The following UNC13C variants were observed in gnomAD, a reference collection of about 807,000 sequenced individuals.
UNC13C encodes the protein unc-13 homolog C.
In UNC13C, 174 loss-of-function variants were observed where a neutral mutation model predicts 245.4. The observed-to-expected ratio is 0.71, with a 90% confidence interval of 0.63 to 0.80. The LOEUF is 0.80. Ranked by LOEUF, UNC13C falls within the 30% of genes least tolerant of loss-of-function variation. The probability of loss-of-function intolerance (pLI) is 0.00; values close to 1 mark genes in which losing one functional copy is unlikely to be tolerated. For missense variants in UNC13C, 2,829 were observed against 2,602.9 expected (o/e 1.09, Z -1.89); for synonymous variants, 992 against 895.1 (o/e 1.11, Z -1.93).
chr15:54,485,780 C>T (rs1893374793), intron 19 of UNC13C, among the ~76,000 whole-genome samples: 1 of 152,156 alleles, frequency 6.6e-6, no homozygotes. Flanking sequence ...TTGTCAAGCA[C>T]ACTTTTTTGC....
intron 8 of UNC13C, among the ~76,000 whole-genome samples, chr15:54,253,710 G>A (rs1271269895): frequency 6.6e-6 from 1 of 152,184 alleles, no homozygotes; most frequent in African/African-American, 2.4e-5. Context: ...TAGCACCTCA[G>A]TGGTGGTTTT....
intron 32 of UNC13C, among the ~76,000 whole-genome samples, chr15:54,625,424 G>T (rs922137055): frequency 6.6e-6 from 1 of 152,074 alleles, no homozygotes. Flanking sequence ...TAAGTTTTTG[G>T]CATGAGGAGT....
At chr15:54,104,158 T>C (rs1030970248) in intron 2 of UNC13C, among the ~76,000 whole-genome samples, 4 of 152,244 alleles carry the variant, frequency 2.6e-5, no homozygotes, top group African/African-American at 9.6e-5. Flanking sequence ...TTGCTGTACC[T>C]GCTTCATTGC....
chr15:54,562,361 G>A (rs1167573055), intron 29 of UNC13C, among the ~76,000 whole-genome samples: 1 of 151,958 alleles, frequency 6.6e-6, no homozygotes, highest in Non-Finnish European at 1.5e-5. Flanking sequence ...ATAGGGGACA[G>A]ATGAAGAATT....
Position 54,627,266 on chromosome 15 carries a change from A to T in UNC13C, c.*153A>T. ...TATGTAAAAAACCTGCTGAACTTTT[A>T]TACCAATTCTGGTCTTTGGGAAATC... is the stretch of plus-strand genomic sequence containing the variant. On this transcript the variant is annotated 3_prime_UTR_variant, in exon 33 of 33. Transcript: ENST00000260323. 5 of 748,188 alleles carry T rather than the reference A, an allele frequency of 6.7e-6. No individual in the cohort carries two copies. Among genetic ancestry groups the T allele is most frequent in the Non-Finnish European group, 9.9e-6 (5 of 503,560 alleles). 46.3% of individuals were successfully genotyped at this position (748,188 alleles called of 1,614,324 possible). A position where few individuals can be genotyped will look rare whatever the true frequency, so the allele number is the denominator to read the frequency against.
chr15:54,421,257 A>T (rs1387781550), intron 19 of UNC13C, among the ~76,000 whole-genome samples: 1 of 152,028 alleles, frequency 6.6e-6, no homozygotes, highest in African/African-American at 2.4e-5. Context: ...CATTATTCAT[A>T]ACATTAATTA....
chr15:54,490,200 A>G (rs1431254025), intron 19 of UNC13C, among the ~76,000 whole-genome samples: 1 of 152,208 alleles, frequency 6.6e-6, no homozygotes, highest in Non-Finnish European at 1.5e-5. Context: ...ACTTAGAGTT[A>G]TCATAGCAGG....
At position 54,452,760 on chromosome 15, in the gene UNC13C, C is replaced by T. The variant is rs547090209; in HGVS notation, c.4933+37693C>T. 7.9e-5 allele frequency among the ~76,000 whole-genome samples: 12 copies of T among 152,332 alleles called. No homozygotes were observed. The East Asian group carries it at 1.2e-3, about 15-fold the overall frequency. ...CTAAGGGCCAGTTTGCTTTCAGTGTCGGCAGCCATAGGTAGCTGGCTGGGG... is the reference window on the plus strand; with the variant it reads ...CTAAGGGCCAGTTTGCTTTCAGTGTTGGCAGCCATAGGTAGCTGGCTGGGG... On this transcript the variant is annotated intron_variant, in intron 19 of 32. Transcript: ENST00000260323.
At chr15:54,363,491 T>G (rs1444171196) in intron 17 of UNC13C, among the ~76,000 whole-genome samples, 1 of 152,234 alleles carries the variant, frequency 6.6e-6, no homozygotes, top group East Asian at 1.9e-4. Flanking sequence ...GACTGAAAAT[T>G]ATTTCCTTTT....
At chr15:54,256,784 A>G (rs998312311) in intron 8 of UNC13C, among the ~76,000 whole-genome samples, 12 of 152,222 alleles carry the variant, frequency 7.9e-5, no homozygotes, top group African/African-American at 2.9e-4. Flanking sequence ...AAAGAGAACA[A>G]TTATACTTCC....
chr15:54,082,827 T>G (rs1169316633), intron 2 of UNC13C, among the ~76,000 whole-genome samples: 1 of 152,106 alleles, frequency 6.6e-6, no homozygotes, highest in Non-Finnish European at 1.5e-5. Flanking sequence ...GGTGCTTTTG[T>G]GGGGGCCAAG....
At chr15:54,333,408 AGAAAATCAT>A (rs1475622090) in intron 15 of UNC13C, among the ~76,000 whole-genome samples, 1 of 152,030 alleles carries the variant, frequency 6.6e-6, no homozygotes, top group Non-Finnish European at 1.5e-5. Flanking sequence ...AGTTATCTTG[AGAAAATCAT>A]GAAAATTTTT....
chr15:54,552,725 T>C (rs1466350086), intron 28 of UNC13C, among the ~76,000 whole-genome samples: 1 of 87,328 alleles, frequency 1.1e-5, no homozygotes, highest in Non-Finnish European at 2.0e-5. Context: ...TATTGTACAA[T>C]ATATAATATA....
chr15:54,019,031 C>T (rs895618930), intron 2 of UNC13C, among the ~76,000 whole-genome samples: 9 of 152,154 alleles, frequency 5.9e-5, no homozygotes, highest in Admixed American at 1.3e-4. Context: ...GACATAAAAG[C>T]TTATTACTCA....
At chr15:54,378,096 A>G (rs955123727) in intron 17 of UNC13C, among the ~76,000 whole-genome samples, 4 of 152,164 alleles carry the variant, frequency 2.6e-5, no homozygotes, top group African/African-American at 9.7e-5. Context: ...ATTTGGAGAC[A>G]TCAGATACTA....
rs141169204 is a variant in UNC13C, at chr15:54,117,214, A to G, written c.2984-25804A>G. 5.2e-3 allele frequency among the ~76,000 whole-genome samples: 794 copies of G among 152,222 alleles called. 11 individuals are homozygous for G. Among genetic ancestry groups the G allele is most frequent in the African/African-American group, 0.018 (767 of 41,540 alleles). ...GGATAGTTTGCAAATATTTTCTTCC[A>G]TTCCGTGGGATATCTCTTCACTTTT... On this transcript the variant is annotated intron_variant, in intron 2 of 32. Coordinates refer to ENST00000260323, the MANE Select transcript of UNC13C (RefSeq NM_001080534.3).
At chr15:54,312,109 A>G (rs1322896642) in intron 13 of UNC13C, among the ~76,000 whole-genome samples, 1 of 151,974 alleles carries the variant, frequency 6.6e-6, no homozygotes, top group South Asian at 2.1e-4. Flanking sequence ...ACAAAAATGT[A>G]TAACGCCAAC....
At chr15:53,900,795 T>C in the UNC13C span, among the ~76,000 whole-genome samples, 1 of 152,194 alleles carries the variant, frequency 6.6e-6, no homozygotes, top group Admixed American at 6.5e-5. Flanking sequence ...ATCTTGATTG[T>C]GTACATTTGC....
intron 10 of UNC13C, among the ~76,000 whole-genome samples, chr15:54,289,807 G>A (rs934119705): frequency 1.2e-4 from 18 of 150,532 alleles, no homozygotes; most frequent in African/African-American, 4.4e-4. Flanking sequence ...ACTGTTGGGG[G>A]AAAAAAAAAG....
Sources: allele counts gnomAD v4.1 joint callset (sites outside exome capture counted in the v4.1 genomes callset), GRCh38; gene constraint gnomAD v4.1.1; transcripts MANE v1.5; gene names NCBI Gene and HGNC (gene_info 2026-07-23, HGNC 2026-07-21).